HCN1: variants seen among roughly 807,000 people sequenced by gnomAD.
HCN1 encodes the protein potassium/sodium hyperpolarization-activated cyclic nucleotide-gated channel 1.
Under a neutral mutation model 78.9 loss-of-function variants are expected in HCN1, and 13 were observed. The observed-to-expected ratio is 0.16, with a 90% CI of 0.11 to 0.26. HCN1 has a LOEUF of 0.26. Ranked by LOEUF, HCN1 falls within the 10% of genes least tolerant of loss-of-function variation. The pLI, the probability that HCN1 is intolerant of heterozygous loss-of-function variation, is 1.00. For missense variants in HCN1, 810 were observed against 1,154.3 expected, an observed-to-expected ratio of 0.70 and a Z score of 4.32; for synonymous variants, 552 against 455.5, an observed-to-expected ratio of 1.21 and a Z score of -2.70.
At chr5:45,556,681 T>A (rs1254975264) in intron 2 of HCN1, among the ~76,000 whole-genome samples, 1 of 151,956 alleles carries the variant, frequency 6.6e-6, no homozygotes, top group Non-Finnish European at 1.5e-5. Context: ...TTTGCCTTAA[T>A]TGCCTCTTAC....
chr5:45,640,699 T>A (rs1052924616), intron 2 of HCN1, among the ~76,000 whole-genome samples: 1 of 151,606 alleles, frequency 6.6e-6, no homozygotes, highest in Non-Finnish European at 1.5e-5. Flanking sequence ...CTCAGCCTCC[T>A]GAGAAGCTGA....
chr5:45,416,314 T>C (rs1179198518), intron 3 of HCN1, among the ~76,000 whole-genome samples: 1 of 151,866 alleles, frequency 6.6e-6, no homozygotes, highest in East Asian at 1.9e-4. Flanking sequence ...AAATGTCCCT[T>C]CACAATGATA....
intron 2 of HCN1, among the ~76,000 whole-genome samples, chr5:45,633,091 T>C (rs1346575533): frequency 6.6e-6 from 1 of 151,958 alleles, no homozygotes; most frequent in Non-Finnish European, 1.5e-5. Context: ...GGAACTAGGT[T>C]CACTTTTTGT....
intron 4 of HCN1, among the ~76,000 whole-genome samples, chr5:45,374,788 G>GTA (rs937199640): frequency 7.7e-5 from 11 of 142,642 alleles, no homozygotes; most frequent in African/African-American, 2.1e-4. Flanking sequence ...ATATATGTGT[G>GTA]TATATATATA....
chr5:45,363,359 G>T (rs1182364562), intron 4 of HCN1, among the ~76,000 whole-genome samples: 7 of 151,380 alleles, frequency 4.6e-5, no homozygotes, highest in South Asian at 2.1e-4. Flanking sequence ...ATGGTCTTCT[G>T]GGGGGTGAGG....
chr5:45,356,625 C>G (rs1410198284), intron 4 of HCN1, among the ~76,000 whole-genome samples: 1 of 151,992 alleles, frequency 6.6e-6, no homozygotes, highest in Non-Finnish European at 1.5e-5. Context: ...ATCTTCCTTT[C>G]TCATGCTATA....
intron 1 of HCN1, among the ~76,000 whole-genome samples, chr5:45,649,569 C>A (rs571828749): frequency 2.6e-5 from 4 of 152,006 alleles, no homozygotes; most frequent in Admixed American, 2.0e-4. Context: ...CCTTCTTTCA[C>A]CTCATTTGTT....
intron 3 of HCN1, among the ~76,000 whole-genome samples, chr5:45,445,624 T>A (rs1222914144): frequency 1.3e-5 from 2 of 152,202 alleles, no homozygotes; most frequent in Admixed American, 6.5e-5. Flanking sequence ...GCAGCCTAAC[T>A]GGGAGGCACC....
At chr5:45,336,212 C>A (rs1182641407) in intron 5 of HCN1, among the ~76,000 whole-genome samples, 1 of 151,928 alleles carries the variant, frequency 6.6e-6, no homozygotes, top group Non-Finnish European at 1.5e-5. Context: ...GCCAACTTTG[C>A]AGACTCATAC....
Position 45,372,044 on chromosome 5 carries a change from T to A in HCN1, c.1231-18798A>T, listed in dbSNP as rs1167266175. On this transcript the variant is annotated intron_variant, in intron 4 of 7. Transcript: ENST00000303230. ...ATATATAATATAATTATATATATATTATATATATAATATAATTATATTATA... is the reference window on the plus strand; with the variant it reads ...ATATATAATATAATTATATATATATAATATATATAATATAATTATATTATA... Among the ~76,000 whole-genome samples, 27 of 55,248 alleles carry A rather than the reference T, an allele frequency of 4.9e-4. 1 individual carries two copies. In the East Asian group the frequency reaches 9.4e-3, roughly 19 times the overall value. The allele number at this position is 55,248 out of a possible 152,430, so 36.2% of individuals were successfully genotyped here. A position where few individuals can be genotyped will look rare whatever the true frequency, so the allele number is the denominator to read the frequency against.
chr5:45,364,329 C>T (rs533005679), intron 4 of HCN1, among the ~76,000 whole-genome samples: 1 of 152,210 alleles, frequency 6.6e-6, no homozygotes, highest in East Asian at 1.9e-4. Context: ...AATCCCTGAT[C>T]TCGACTCGTA....
rs962658851 is a variant in HCN1, at chr5:45,496,357, C to T, written c.850-34350G>A. Among the ~76,000 whole-genome samples, 248 of 151,432 alleles carry T rather than the reference C, an allele frequency of 1.6e-3. 1 individual carries two copies. The highest frequency in any genetic ancestry group is 2.6e-3 in the Non-Finnish European group (176 of 67,906). ...GAGTGTATGTGTCGAGGAATGTATC[C>T]ATTTCTTCTAGATTTTCTAGTTTAT... is the stretch of plus-strand genomic sequence containing the variant. On this transcript the variant is annotated intron_variant, in intron 2 of 7. Coordinates refer to ENST00000303230, the MANE Select transcript of HCN1 (RefSeq NM_021072.4).
chr5:45,345,637 T>C (rs993147673), intron 5 of HCN1, among the ~76,000 whole-genome samples: 4 of 152,188 alleles, frequency 2.6e-5, no homozygotes, highest in Non-Finnish European at 5.9e-5. Flanking sequence ...TCACCTTTGC[T>C]CCAGTTCCTA....
At chr5:45,590,857 G>C (rs1346332759) in intron 2 of HCN1, among the ~76,000 whole-genome samples, 3 of 152,078 alleles carry the variant, frequency 2.0e-5, no homozygotes, top group Non-Finnish European at 2.9e-5. Flanking sequence ...TCACAGATAA[G>C]GTCTTGCTCT....
chr5:45,277,026 A>C (rs1361601196), intron 6 of HCN1, among the ~76,000 whole-genome samples: 1 of 152,022 alleles, frequency 6.6e-6, no homozygotes, highest in African/African-American at 2.4e-5. Context: ...CATAGAGAAT[A>C]TTTCTCCATG....
In HCN1 at chr5:45,262,558, T is replaced by C. The variant is rs200794598; in HGVS notation, c.2036A>G (p.His679Arg). The C allele has an allele frequency of 5.0e-6, 8 of 1,613,232 alleles. No homozygotes were observed. The East Asian group carries it at 1.6e-4, about 31-fold the overall frequency. ...TATSLSHSNL[H>R]SPSPSTQTPQ... ...GGTCTGTGTGCTGGGACTGGGGGAG[T>C]GCAGGTTGCTGTGAGACAGGCTGGT... Residue 679 changes from histidine to arginine, a missense_variant, in exon 8 of 8, where the codon CAC (histidine) becomes CGC (arginine). By Grantham distance (29) the His-to-Arg change is conservative. This residue lies in a region of HCN1 where 398 missense variants were observed against 381.3 expected (regional missense o/e 1.04). Coordinates refer to ENST00000303230, the MANE Select transcript of HCN1 (RefSeq NM_021072.4).
rs1391307982 is a variant in HCN1, at chr5:45,256,970, A to G, written c.*4951T>C. 2.0e-5 allele frequency: 3 copies of G among 152,176 alleles called. No homozygotes were observed. Among genetic ancestry groups the G allele is most frequent in the Non-Finnish European group, 4.4e-5 (3 of 68,056 alleles). The allele number at this position is 152,176 out of a possible 1,614,324, so 9.4% of individuals were successfully genotyped here. A position where few individuals can be genotyped will look rare whatever the true frequency, so the allele number is the denominator to read the frequency against. ...TCTTCTTGTACCCCTTCCCTGCCGC[A>G]ATATATTATCTTACGCAAAGCAAGT... On this transcript the variant is annotated 3_prime_UTR_variant, in exon 8 of 8. Coordinates refer to ENST00000303230, the MANE Select transcript of HCN1 (RefSeq NM_021072.4).
At chr5:45,599,093 T>A (rs919463508) in intron 2 of HCN1, among the ~76,000 whole-genome samples, 1 of 152,170 alleles carries the variant, frequency 6.6e-6, no homozygotes, top group Non-Finnish European at 1.5e-5. Flanking sequence ...TAAATCACTA[T>A]AAAGACACAT....
rs183342255 is a variant in HCN1, at chr5:45,274,320, A to G, written c.1619-7067T>C. ...AAATAAAGTTATTGTTTTATCAAAC[A>G]AATCTTAGCTCCAAGTTCAATCAAA... is the stretch of plus-strand genomic sequence containing the variant. On this transcript the variant is annotated intron_variant, in intron 6 of 7. Coordinates refer to ENST00000303230, the MANE Select transcript of HCN1 (RefSeq NM_021072.4). 2.0e-3 allele frequency among the ~76,000 whole-genome samples: 297 copies of G among 152,288 alleles called. 2 individuals are homozygous for G. The highest frequency in any genetic ancestry group is 6.9e-3 in the African/African-American group (286 of 41,564).
Sources: allele counts gnomAD v4.1 joint callset (sites outside exome capture counted in the v4.1 genomes callset), GRCh38; gene constraint gnomAD v4.1.1; regional missense constraint gnomAD v4.1.1; transcripts MANE v1.5; gene names NCBI Gene and HGNC (gene_info 2026-07-23, HGNC 2026-07-21).